The following SESN3 variants were observed in gnomAD, a reference collection of about 807,000 sequenced individuals.
SESN3 encodes sestrin 3.
In SESN3, 21 loss-of-function variants were observed where a neutral mutation model predicts 55.3. The ratio of observed to expected loss-of-function variants is 0.38; its 90% CI spans 0.27 to 0.55. The LOEUF is 0.55. Ranked by LOEUF, SESN3 falls within the 20% of genes least tolerant of loss-of-function variation. The probability of loss-of-function intolerance (pLI) is 0.76; values close to 1 mark genes in which losing one functional copy is unlikely to be tolerated. For missense variants in SESN3, 408 were observed against 604.3 expected (o/e 0.68, Z 3.41); for synonymous variants, 181 against 203.1 (o/e 0.89, Z 0.93).
chr11:95,211,349 T>C (rs902213524), intron 1 of SESN3, among the ~76,000 whole-genome samples: 1 of 152,198 alleles, frequency 6.6e-6, no homozygotes, highest in Non-Finnish European at 1.5e-5. Context: ...TTAGGTATTA[T>C]ACGTTCAGCC....
intron 1 of SESN3, among the ~76,000 whole-genome samples, chr11:95,228,999 A>G (rs775416709): frequency 5.9e-5 from 9 of 152,166 alleles, no homozygotes; most frequent in Non-Finnish European, 1.3e-4. Context: ...GCCTAATATT[A>G]CCTCCAAACA....
rs980223993 is a variant in SESN3, at chr11:95,169,024, T to C, written c.*4231A>G. On this transcript the variant is annotated 3_prime_UTR_variant, in exon 10 of 10. Coordinates refer to ENST00000536441, the MANE Select transcript of SESN3 (RefSeq NM_144665.4). Reference sequence around the variant, plus strand: ...TGTTCCTCATATTCTTTGAAAACTCTTCCTTCCTCATAGGGCTCTGCCTTG... The same window carrying C: ...TGTTCCTCATATTCTTTGAAAACTCCTCCTTCCTCATAGGGCTCTGCCTTG... 6.6e-6 allele frequency: 1 copy of C among 152,256 alleles called. No homozygotes were observed. Among genetic ancestry groups the C allele is most frequent in the Non-Finnish European group, 1.5e-5 (1 of 68,062 alleles). The allele number at this position is 152,256 out of a possible 1,614,324, so 9.4% of individuals were successfully genotyped here.
intron 4 of SESN3, among the ~76,000 whole-genome samples, chr11:95,188,672 T>G (rs1860210833): frequency 6.6e-6 from 1 of 151,910 alleles, no homozygotes; most frequent in Admixed American, 6.6e-5. Flanking sequence ...CTTCAAGACC[T>G]AGCTCAAATG....
Position 95,177,716 on chromosome 11 carries a change from T to C in SESN3, c.1247+3A>G. On this transcript the variant is annotated splice_donor_region_variant and intron_variant, in intron 8 of 9. Coordinates refer to ENST00000536441, the MANE Select transcript of SESN3 (RefSeq NM_144665.4). ...TAAAAAACTGTCTCTACAATGAACA[T>C]ACCTGATTCCAAACATACAGTGAAC... is the stretch of plus-strand genomic sequence containing the variant. 3.1e-6 allele frequency: 5 copies of C among 1,601,070 alleles called. No homozygotes were observed. The highest frequency in any genetic ancestry group is 4.3e-6 in the Non-Finnish European group (5 of 1,174,994).
chr11:95,172,667 T>TA lies in SESN3; in HGVS notation c.*587dup, dbSNP rs1814474405. 6.6e-6 allele frequency: 1 copy of TA among 152,084 alleles called. No homozygotes were observed. Among genetic ancestry groups the TA allele is most frequent in the Admixed American group, 6.6e-5 (1 of 15,266 alleles). 9.4% of individuals were successfully genotyped at this position (152,084 alleles called of 1,614,324 possible). ...ATCGCCAATAGCAGTAAAACAACAATAAATGAACAAACAAACAAATAAAAA... is the reference window on the plus strand; with the variant it reads ...ATCGCCAATAGCAGTAAAACAACAATAAAATGAACAAACAAACAAATAAAAA... On this transcript the variant is annotated 3_prime_UTR_variant, in exon 10 of 10. Transcript: ENST00000536441.
Position 95,168,212 on chromosome 11 carries a change from A to G in SESN3, c.*5043T>C, listed in dbSNP as rs1859785912. 1 of 152,188 alleles carries G rather than the reference A, an allele frequency of 6.6e-6. No individual in the cohort carries two copies. The allele number at this position is 152,188 out of a possible 1,614,324, so 9.4% of individuals were successfully genotyped here. On this transcript the variant is annotated 3_prime_UTR_variant, in exon 10 of 10. Coordinates refer to ENST00000536441, the MANE Select transcript of SESN3 (RefSeq NM_144665.4). ...TGGAACACCACCCTATTTGCATACC[A>G]GAAATTTCCCATTCCACTGAAGGGT...
At chr11:95,176,985 C>T (rs1859969210) in intron 8 of SESN3, among the ~76,000 whole-genome samples, 1 of 152,070 alleles carries the variant, frequency 6.6e-6, no homozygotes, top group Admixed American at 6.5e-5. Flanking sequence ...ATAGAAAATA[C>T]TTTGCTTAAC....
intron 9 of SESN3, 26 bp from the exon 10 acceptor site, chr11:95,173,367 A>G: frequency 6.8e-7 from 1 of 1,479,150 alleles, no homozygotes; most frequent in Non-Finnish European, 9.4e-7. Context: ...TTATCAGTTT[A>G]GTAACCATTA....
chr11:95,229,309 C>G (rs1861006272), intron 1 of SESN3, among the ~76,000 whole-genome samples: 1 of 152,190 alleles, frequency 6.6e-6, no homozygotes, highest in Non-Finnish European at 1.5e-5. Context: ...TTCTCACAAG[C>G]TACCCTACAA....
chr11:95,173,261 C>A lies in SESN3; in HGVS notation c.1473G>T (p.Leu491Phe). The change falls in exon 10 of 10, where the codon TTG becomes TTT. Residue 491 changes from leucine to phenylalanine, a missense_variant. Around this residue, in one of 4 missense-constraint regions of SESN3, gnomAD observed 121 missense variants for 204.9 expected, o/e 0.59. Transcript: ENST00000536441. The part of the protein sequence containing the change: ...LYALRAITRH[L>F]T ...ATTTTCCTTGGGTGATACTTCAGGTCAAATGCCGAGTTATGGCACGAAGAG... is the reference window on the plus strand; with the variant it reads ...ATTTTCCTTGGGTGATACTTCAGGTAAAATGCCGAGTTATGGCACGAAGAG... 2 of 1,569,088 alleles carry A rather than the reference C, an allele frequency of 1.3e-6. No homozygotes were observed. Among genetic ancestry groups the A allele is most frequent in the South Asian group, 2.3e-5 (2 of 86,932 alleles).
At chr11:95,211,866 T>C (rs1254129346) in intron 1 of SESN3, among the ~76,000 whole-genome samples, 1 of 152,134 alleles carries the variant, frequency 6.6e-6, no homozygotes, top group Middle Eastern at 3.2e-3. Flanking sequence ...TCTTACAAGC[T>C]AAAGAAAAGA....
intron 7 of SESN3, 62 bp downstream of exon 7, chr11:95,178,648 A>T: frequency 9.7e-7 from 1 of 1,026,694 alleles, no homozygotes; most frequent in Non-Finnish European, 1.5e-6. Flanking sequence ...TTTAAAATTT[A>T]AACACTTAAC....
At chr11:95,186,469 G>C (rs910849844) in intron 4 of SESN3, among the ~76,000 whole-genome samples, 2 of 151,770 alleles carry the variant, frequency 1.3e-5, no homozygotes, top group Non-Finnish European at 2.9e-5. Context: ...ATCATCCTAT[G>C]GCCAGGGGAG....
At chr11:95,202,689 G>A (rs1860480506) in intron 1 of SESN3, among the ~76,000 whole-genome samples, 1 of 151,980 alleles carries the variant, frequency 6.6e-6, no homozygotes, top group Admixed American at 6.6e-5. Flanking sequence ...AAGAAAATGA[G>A]GAGAGAACTA....
Position 95,165,755 on chromosome 11 carries a change from T to C in SESN3, c.*7500A>G, listed in dbSNP as rs1186530720. On this transcript the variant is annotated 3_prime_UTR_variant, in exon 10 of 10. Transcript: ENST00000536441. ...TTCAGATGTGTTTGTCTTGACTCAC[T>C]AACAGTTCCTTCTGCATCTGTCCAA... The C allele has an allele frequency of 6.6e-6, 1 of 152,196 alleles. No homozygotes were observed. Among genetic ancestry groups the C allele is most frequent in the Non-Finnish European group, 1.5e-5 (1 of 68,024 alleles). The allele number at this position is 152,196 out of a possible 1,614,324, so 9.4% of individuals were successfully genotyped here. A position where few individuals can be genotyped will look rare whatever the true frequency, so the allele number is the denominator to read the frequency against.
At chr11:95,175,200 C>A (rs867826645) in intron 9 of SESN3, among the ~76,000 whole-genome samples, 1 of 152,102 alleles carries the variant, frequency 6.6e-6, no homozygotes, top group Non-Finnish European at 1.5e-5. Context: ...CCCACCTCTA[C>A]TAAAAATACA....
Position 95,175,490 on chromosome 11 carries a change from A to T in SESN3, c.1392+8T>A, listed in dbSNP as rs774464335. ...CTATGGTATAATGCTTAATACTGAA[A>T]CACGTACTTTTTCTGAGTGTTTGAA... On this transcript the variant is annotated splice_region_variant and intron_variant, in intron 9 of 9. Coordinates refer to ENST00000536441, the MANE Select transcript of SESN3 (RefSeq NM_144665.4). 6.2e-6 allele frequency: 10 copies of T among 1,612,342 alleles called. No individual in the cohort carries two copies. In the African/African-American group the frequency reaches 1.3e-4, roughly 22 times the overall value.
intron 1 of SESN3, among the ~76,000 whole-genome samples, chr11:95,227,439 C>T (rs773774526): frequency 2.6e-5 from 4 of 152,038 alleles, no homozygotes; most frequent in East Asian, 1.9e-4. Flanking sequence ...CTTTTGACCT[C>T]GTGATCTGCC....
rs1859830509 is a variant in SESN3, at chr11:95,170,554, T to C, written c.*2701A>G. The C allele has an allele frequency of 6.6e-6, 1 of 152,150 alleles. No individual in the cohort carries two copies. Among genetic ancestry groups the C allele is most frequent in the African/African-American group, 2.4e-5 (1 of 41,440 alleles). 9.4% of individuals were successfully genotyped at this position (152,150 alleles called of 1,614,324 possible). A position where few individuals can be genotyped will look rare whatever the true frequency, so the allele number is the denominator to read the frequency against. On this transcript the variant is annotated 3_prime_UTR_variant, in exon 10 of 10. Transcript: ENST00000536441. The stretch of plus-strand genomic sequence containing the variant: ...CTCTTTTAAAAATATCACATTTTAA[T>C]ATAAAAAGCTATACTATAAATTACT...
Sources: allele counts gnomAD v4.1 joint callset (sites outside exome capture counted in the v4.1 genomes callset), GRCh38; gene constraint gnomAD v4.1.1; regional missense constraint gnomAD v4.1.1; transcripts MANE v1.5; gene names NCBI Gene and HGNC (gene_info 2026-07-23, HGNC 2026-07-21).